The following ARSG variants were observed in gnomAD, a reference collection of about 807,000 sequenced individuals.
ARSG encodes the protein arylsulfatase G, also known as ASG.
In ARSG, 37 loss-of-function variants were observed where a neutral mutation model predicts 50.5. That is an observed-to-expected ratio of 0.73 (90% CI 0.56 to 0.96). The LOEUF is 0.96. Among genes scored for constraint, ARSG ranks in the 50% least tolerant of loss-of-function variants. The pLI is 0.00. For synonymous variants in ARSG, 225 were observed against 254.6 expected, an observed-to-expected ratio of 0.88 and a Z score of 1.11; for missense variants, 629 against 675.3, an observed-to-expected ratio of 0.93 and a Z score of 0.76.
Position 68,378,029 on chromosome 17 carries a change from CTA to C in ARSG, c.983-7033_983-7032del, listed in dbSNP as rs1307373784. On this transcript the variant is annotated intron_variant, in intron 8 of 11. Coordinates refer to ENST00000621439, the MANE Select transcript of ARSG (RefSeq NM_001267727.2). The surrounding 1 kb of genome is among the most constrained non-coding windows in gnomAD (Gnocchi z 4.4). Reference sequence around the variant, plus strand: ...TCCAAAGCGGCTTCCTGTCAACTAACTATTCCACAGCCTCCTTCTTCCTCTCT... The same window carrying C: ...TCCAAAGCGGCTTCCTGTCAACTAACTTCCACAGCCTCCTTCTTCCTCTCT... Among the ~76,000 whole-genome samples the C allele has an allele frequency of 1.3e-5, 2 of 152,238 alleles. No homozygotes were observed. Among genetic ancestry groups the C allele is most frequent in the African/African-American group, 4.8e-5 (2 of 41,470 alleles).
intron 2 of ARSG, among the ~76,000 whole-genome samples, chr17:68,324,223 G>A (rs1389846617): frequency 2.0e-5 from 3 of 152,168 alleles, no homozygotes; most frequent in Non-Finnish European, 4.4e-5. Flanking sequence ...GATTTCCTGT[G>A]TAGCTTGTGC....
chr17:68,317,341 G>A (rs1342591682), intron 2 of ARSG, among the ~76,000 whole-genome samples: 3 of 152,136 alleles, frequency 2.0e-5, no homozygotes, highest in Admixed American at 1.3e-4. Flanking sequence ...AGAAACTGAG[G>A]CCGAGAGAGA....
chr17:68,318,990 C>T (rs2077176309), intron 2 of ARSG, among the ~76,000 whole-genome samples: 1 of 152,164 alleles, frequency 6.6e-6, no homozygotes, highest in African/African-American at 2.4e-5. Flanking sequence ...TTCTCAGCCA[C>T]CCTGCTGCCT....
At chr17:68,377,074 C>T (rs958026323) in intron 8 of ARSG, among the ~76,000 whole-genome samples, 4 of 152,164 alleles carry the variant, frequency 2.6e-5, no homozygotes, top group African/African-American at 9.7e-5. Flanking sequence ...GTCGGCCAGG[C>T]TGGCCTTGAA....
intron 2 of ARSG, among the ~76,000 whole-genome samples, chr17:68,335,137 C>T (rs1344037251): frequency 2.0e-5 from 3 of 152,160 alleles, no homozygotes; most frequent in Non-Finnish European, 2.9e-5. Flanking sequence ...GCTGGGACTA[C>T]AGGTATGTAT....
At chr17:68,302,187 G>C (rs1555762134) in intron 1 of ARSG, among the ~76,000 whole-genome samples, 1 of 152,148 alleles carries the variant, frequency 6.6e-6, no homozygotes, top group Non-Finnish European at 1.5e-5. Context: ...TGATGCCCAA[G>C]GCCCCTTCTG....
At chr17:68,322,276 C>G (rs2077315409) in intron 2 of ARSG, among the ~76,000 whole-genome samples, 1 of 152,166 alleles carries the variant, frequency 6.6e-6, no homozygotes, top group Admixed American at 6.5e-5. Context: ...AACTCTAAGC[C>G]CCATCTCATG....
intron 1 of ARSG, among the ~76,000 whole-genome samples, chr17:68,304,937 G>T (rs1555763441): frequency 1.3e-5 from 2 of 152,180 alleles, no homozygotes; most frequent in African/African-American, 4.8e-5. Flanking sequence ...ACTTTGAGAG[G>T]TTGAGGTGGG....
chr17:68,300,484 G>C (rs1328435375), intron 1 of ARSG, among the ~76,000 whole-genome samples: 1 of 152,192 alleles, frequency 6.6e-6, no homozygotes, highest in African/African-American at 2.4e-5. Flanking sequence ...TCCAGTGAGC[G>C]AATTTCAGAC....
Position 68,399,777 on chromosome 17 carries a change from A to G in ARSG, c.1213-1583A>G, listed in dbSNP as rs927533889. Among the ~76,000 whole-genome samples, 3 of 152,190 alleles carry G rather than the reference A, an allele frequency of 2.0e-5. No individual in the cohort carries two copies. Among genetic ancestry groups the G allele is most frequent in the African/African-American group, 7.2e-5 (3 of 41,440 alleles). ...GTACTGTGACTGATCTGAAGCAGCA[A>G]CTTCACTCCCATCTTCTGCATGTCC... is the stretch of plus-strand genomic sequence containing the variant. On this transcript the variant is annotated intron_variant, in intron 10 of 11. Coordinates refer to ENST00000621439, the MANE Select transcript of ARSG (RefSeq NM_001267727.2). The surrounding 1 kb of genome is among the most constrained non-coding windows in gnomAD (Gnocchi z 4.6).
chr17:68,385,286 G>A (rs995573539), intron 9 of ARSG, 114 bp downstream of exon 9: 2 of 831,834 alleles, frequency 2.4e-6, no homozygotes, highest in South Asian at 1.6e-5. Context: ...GTGGCTAGAG[G>A]CCTCAGGAAG....
intron 1 of ARSG, among the ~76,000 whole-genome samples, chr17:68,277,933 T>C (rs1365444364): frequency 3.3e-5 from 5 of 152,158 alleles, no homozygotes; most frequent in African/African-American, 1.2e-4. Flanking sequence ...TTGCCAATCC[T>C]CAATGCTCTG....
intron 1 of ARSG, among the ~76,000 whole-genome samples, chr17:68,300,025 G>A (rs1568435609): frequency 6.7e-6 from 1 of 149,302 alleles, no homozygotes; most frequent in Non-Finnish European, 1.5e-5. Flanking sequence ...TTGCAGCCTT[G>A]AACTCCTGAG....
At chr17:68,349,596 C>T (rs2078664818) in intron 4 of ARSG, among the ~76,000 whole-genome samples, 1 of 151,974 alleles carries the variant, frequency 6.6e-6, no homozygotes, top group South Asian at 2.1e-4. Context: ...AAAAATACAA[C>T]AAACAGGCTG....
At chr17:68,369,809 C>T (rs556588829) in intron 7 of ARSG, among the ~76,000 whole-genome samples, 3 of 152,002 alleles carry the variant, frequency 2.0e-5, no homozygotes, top group Admixed American at 6.6e-5. Flanking sequence ...AAGCTGATGA[C>T]GGTGGCAATG....
At chr17:68,282,777 A>C (rs1187889124) in intron 1 of ARSG, among the ~76,000 whole-genome samples, 1 of 135,582 alleles carries the variant, frequency 7.4e-6, no homozygotes, top group Non-Finnish European at 1.6e-5. Context: ...CCCCATCTCT[A>C]CTAAAAAAAA....
intron 11 of ARSG, among the ~76,000 whole-genome samples, chr17:68,411,455 G>A (rs1233964990): frequency 6.6e-6 from 1 of 152,150 alleles, no homozygotes; most frequent in Non-Finnish European, 1.5e-5. Context: ...TCTTAATCCT[G>A]GGTTCTAGTT....
chr17:68,288,012 T>G (rs1303014165), upstream of ARSG, among the ~76,000 whole-genome samples: 1 of 145,268 alleles, frequency 6.9e-6, no homozygotes, highest in African/African-American at 2.5e-5. Flanking sequence ...TTTTTGGGGG[T>G]TGGGGATGGA....
chr17:68,349,671 G>A (rs1225349703), intron 4 of ARSG, among the ~76,000 whole-genome samples: 1 of 152,106 alleles, frequency 6.6e-6, no homozygotes, highest in Non-Finnish European at 1.5e-5. Flanking sequence ...ATTACTTGAG[G>A]TCAGCAGTTT....
Sources: gnomAD v4.1 joint callset for allele counts (sites outside exome capture counted in the v4.1 genomes callset) on GRCh38, gnomAD v4.1.1 for gene constraint, Gnocchi (gnomAD v3.1) non-coding constraint, MANE v1.5 for transcripts, NCBI Gene and HGNC (gene_info 2026-07-23, HGNC 2026-07-21) for gene names.